UGT2A1: variants seen among roughly 807,000 people sequenced by gnomAD.
UGT2A1 encodes the protein UDP glucuronosyltransferase family 2 member A1 complex locus, also known as UDP-glucuronosyltransferase 2A1.
UGT2A1 carries 61 observed loss-of-function variants against 45.4 expected under a neutral mutation model. The observed-to-expected ratio is 1.34, with a 90% confidence interval of 1.09 to 1.66. UGT2A1 has a LOEUF of 1.66. Among genes scored for constraint, UGT2A1 ranks in the 40% most tolerant of loss-of-function variants. The pLI, the probability that UGT2A1 is intolerant of heterozygous loss-of-function variation, is 0.00. For synonymous variants in UGT2A1, 229 were observed against 196.2 expected (o/e 1.17, Z -1.40); for missense variants, 649 against 574.3 (o/e 1.13, Z -1.33).
rs181821898 is a variant in UGT2A1 at position 69,641,160 on chromosome 4, C to T, written c.716-5338G>A. Among the ~76,000 whole-genome samples, 78 of 151,878 alleles carry T rather than the reference C, an allele frequency of 5.1e-4. No individual in the cohort carries two copies. The East Asian group carries it at 0.011, about 22-fold the overall frequency. ...AAAATCTCAATACATATAGATATCC[C>T]TAAATTACCCAGAGTAAGGGAAAAA... On this transcript the variant is annotated intron_variant, in intron 2 of 6. Coordinates refer to ENST00000286604, the MANE Select transcript of UGT2A1 (RefSeq NM_001252275.3).
chr4:69,648,528 A>C (rs1464011052), intron 1 of UGT2A1, among the ~76,000 whole-genome samples: 1 of 151,968 alleles, frequency 6.6e-6, no homozygotes, highest in African/African-American at 2.4e-5. Context: ...TTGTTATGTC[A>C]GACATTACGC....
chr4:69,595,452 G>A (rs568554942), intron 4 of UGT2A1, among the ~76,000 whole-genome samples: 2 of 152,282 alleles, frequency 1.3e-5, no homozygotes, highest in African/African-American at 4.8e-5. Context: ...ACCAAGTATA[G>A]TATTATTGTT....
intron 3 of UGT2A1, among the ~76,000 whole-genome samples, chr4:69,618,745 G>A (rs1431572523): frequency 2.0e-5 from 3 of 151,818 alleles, no homozygotes; most frequent in Non-Finnish European, 4.4e-5. Flanking sequence ...ATGTAGAAAA[G>A]CCTTAAGTAT....
At chr4:69,590,564 G>A (rs1170059724) in intron 6 of UGT2A1, among the ~76,000 whole-genome samples, 1 of 152,036 alleles carries the variant, frequency 6.6e-6, no homozygotes, top group African/African-American at 2.4e-5. Flanking sequence ...ACTGGGGAAT[G>A]GGGAACATGG....
intron 3 of UGT2A1, among the ~76,000 whole-genome samples, chr4:69,599,932 C>T (rs1377345663): frequency 6.6e-6 from 1 of 152,110 alleles, no homozygotes; most frequent in Admixed American, 6.6e-5. Context: ...AAGTTTCTTC[C>T]CCAGGACAGC....
chr4:69,609,170 T>G (rs1719875445), intron 3 of UGT2A1, among the ~76,000 whole-genome samples: 1 of 148,612 alleles, frequency 6.7e-6, no homozygotes, highest in Non-Finnish European at 1.5e-5. Flanking sequence ...TTTTTTTTTT[T>G]GACACAGCGT....
chr4:69,620,123 G>T (rs1470412609), intron 3 of UGT2A1, among the ~76,000 whole-genome samples: 2 of 151,936 alleles, frequency 1.3e-5, no homozygotes, highest in Non-Finnish European at 2.9e-5. Context: ...AGTACTGGAA[G>T]TCCTTCCAGA....
At position 69,610,246 on chromosome 4, in the gene UGT2A1, C is replaced by T. The variant is rs563013218; in HGVS notation, c.848-10852G>A. ...TTGCATTGTTCTAATTCTGCCATTACAAAAAAAAAGTTGCATTGAATTCAT... is the reference window on the plus strand; with the variant it reads ...TTGCATTGTTCTAATTCTGCCATTATAAAAAAAAAGTTGCATTGAATTCAT... On this transcript the variant is annotated intron_variant, in intron 3 of 6. Coordinates refer to ENST00000286604, the MANE Select transcript of UGT2A1 (RefSeq NM_001252275.3). Among the ~76,000 whole-genome samples the T allele has an allele frequency of 6.1e-4, 92 of 151,172 alleles. 1 individual carries two copies. In the East Asian group the frequency reaches 0.013, roughly 21 times the overall value.
rs1719136350 is a variant in UGT2A1 at position 69,599,540 on chromosome 4, G to C, written c.848-146C>G. On this transcript the variant is annotated intron_variant, in intron 3 of 6. Transcript: ENST00000286604. ...AATACTTATCATGTTTATATATTAA[G>C]AAGAAGGAGAAATTAAAGAGGATGG... The C allele has an allele frequency of 2.6e-6, 3 of 1,132,840 alleles. No homozygotes were observed. The Admixed American group carries it at 1.1e-4, about 40-fold the overall frequency. 70.2% of individuals were successfully genotyped at this position (1,132,840 alleles called of 1,614,324 possible).
chr4:69,607,558 A>C (rs943857740), intron 3 of UGT2A1, among the ~76,000 whole-genome samples: 2 of 152,036 alleles, frequency 1.3e-5, no homozygotes, highest in Admixed American at 1.3e-4. Flanking sequence ...CAAAAGCCAA[A>C]ATTGACAAAT....
intron 2 of UGT2A1, among the ~76,000 whole-genome samples, chr4:69,636,141 G>A (rs1380392301): frequency 2.0e-5 from 3 of 152,052 alleles, no homozygotes; most frequent in African/African-American, 4.8e-5. Flanking sequence ...AAGACATTTG[G>A]AGTTCTTCTT....
At chr4:69,595,020 T>G in intron 5 of UGT2A1, 142 bp downstream of exon 5, 1 of 1,210,724 alleles carries the variant, frequency 8.3e-7, no homozygotes, top group Non-Finnish European at 1.2e-6. Context: ...TAATGGCCAA[T>G]TATGTAATTA....
intron 3 of UGT2A1, among the ~76,000 whole-genome samples, chr4:69,628,449 T>C (rs1457043529): frequency 6.6e-6 from 1 of 151,636 alleles, no homozygotes; most frequent in Non-Finnish European, 1.5e-5. Flanking sequence ...AACCTACCCA[T>C]ATATGGTCAG....
intron 3 of UGT2A1, among the ~76,000 whole-genome samples, chr4:69,607,557 A>G (rs911956939): frequency 1.3e-5 from 2 of 152,054 alleles, no homozygotes; most frequent in African/African-American, 4.8e-5. Flanking sequence ...ACAAAAGCCA[A>G]AATTGACAAA....
intron 3 of UGT2A1, among the ~76,000 whole-genome samples, chr4:69,604,825 G>A (rs1719507081): frequency 7.3e-6 from 1 of 136,756 alleles, no homozygotes; most frequent in African/African-American, 3.0e-5. Context: ...AGACAAAGAA[G>A]GCCATTACAT....
chr4:69,616,363 A>G (rs1187781490), intron 3 of UGT2A1, among the ~76,000 whole-genome samples: 2 of 151,984 alleles, frequency 1.3e-5, no homozygotes, highest in Non-Finnish European at 2.9e-5. Flanking sequence ...GTGTTTTAAA[A>G]TGACTAAGAG....
In UGT2A1 at chr4:69,647,172, A is replaced by G. The variant is rs1177672769; in HGVS notation, c.473T>C (p.Ile158Thr). 37 of 1,613,092 alleles carry G rather than the reference A, an allele frequency of 2.3e-5. No homozygotes were observed. The highest frequency in any genetic ancestry group is 2.6e-5 in the Non-Finnish European group (31 of 1,179,408). The change falls in exon 2 of 7, where the codon ATA becomes ACA. Residue 158 changes from isoleucine (I) to threonine (T), a missense_variant. Coordinates refer to ENST00000286604, the MANE Select transcript of UGT2A1 (RefSeq NM_001252275.3). ...VSDPVFPCGDIVALKLGIPFM... is the reference protein window; with the variant it reads ...VSDPVFPCGDTVALKLGIPFM... The stretch of plus-strand genomic sequence containing the variant: ...TGGAATTCCAAGTTTTAAAGCTACT[A>G]TATCGCCACAAGGAAATACTGGATC...
At chr4:69,618,655 G>A (rs989811294) in intron 3 of UGT2A1, among the ~76,000 whole-genome samples, 5 of 151,850 alleles carry the variant, frequency 3.3e-5, no homozygotes, top group Admixed American at 1.3e-4. Context: ...AAATCTTTAT[G>A]CTTTTCAGAT....
rs578228771 is a variant in UGT2A1, at chr4:69,599,302, G to C, written c.940C>G (p.Pro314Ala). The C allele has an allele frequency of 6.2e-7, 1 of 1,613,794 alleles. No homozygotes were observed. The highest frequency in any genetic ancestry group is 1.7e-5 in the Admixed American group (1 of 59,946). The change falls in exon 4 of 7, where the codon CCT becomes GCT. Residue 314 changes from proline to alanine, a missense_variant. Physicochemically the swap from Pro to Ala is conservative, Grantham distance 27. Coordinates refer to ENST00000286604, the MANE Select transcript of UGT2A1 (RefSeq NM_001252275.3). ...AATCCTCCAACAAACTCAAAATTAG[G>C]TAAGTATGGACGAGGAAATTCAAAA... ...WDFEFPRPYL[P>A]NFEFVGGLHC...
Sources: allele counts gnomAD v4.1 joint callset (sites outside exome capture counted in the v4.1 genomes callset), GRCh38; gene constraint gnomAD v4.1.1; transcripts MANE v1.5; gene names NCBI Gene and HGNC (gene_info 2026-07-23, HGNC 2026-07-21).